The following PDE4D variants were observed in gnomAD, a reference collection of about 807,000 sequenced individuals.
PDE4D encodes 3',5'-cyclic-AMP phosphodiesterase 4D.
Under a neutral mutation model 87.4 loss-of-function variants are expected in PDE4D, and 24 were observed. That is an observed-to-expected ratio of 0.27 (90% CI 0.20 to 0.39). PDE4D has a LOEUF of 0.39. Among genes scored for constraint, PDE4D ranks in the 10% least tolerant of loss-of-function variants. PDE4D has a pLI of 1.00. For missense variants in PDE4D, 714 were observed against 1,041.0 expected (o/e 0.69, Z 4.32); for synonymous variants, 384 against 383.2 (o/e 1.00, Z -0.02).
chr5:60,376,076 C>A (rs2149995099), intron 1 of PDE4D, among the ~76,000 whole-genome samples: 1 of 152,282 alleles, frequency 6.6e-6, no homozygotes, highest in South Asian at 2.1e-4. Flanking sequence ...CAGATTTTTA[C>A]AGCTTACAAC....
At chr5:59,882,343 G>A (rs1048571756) in intron 1 of PDE4D, among the ~76,000 whole-genome samples, 3 of 152,082 alleles carry the variant, frequency 2.0e-5, no homozygotes, top group African/African-American at 7.2e-5. Context: ...CCAGGTGGTG[G>A]GAATGATTGA....
At chr5:59,253,546 G>A (rs977525656) in intron 1 of PDE4D, among the ~76,000 whole-genome samples, 2 of 152,156 alleles carry the variant, frequency 1.3e-5, no homozygotes, top group East Asian at 3.9e-4. Flanking sequence ...GATGATTGAA[G>A]AAAATGTATG....
intron 1 of PDE4D, among the ~76,000 whole-genome samples, chr5:59,881,981 G>A (rs2152746468): frequency 6.6e-6 from 1 of 152,226 alleles, no homozygotes; most frequent in Non-Finnish European, 1.5e-5. Context: ...ACATAAAGAA[G>A]CACATAATTC....
chr5:60,236,247 T>A (rs569585738), intron 1 of PDE4D, among the ~76,000 whole-genome samples: 2 of 152,036 alleles, frequency 1.3e-5, no homozygotes, highest in South Asian at 4.2e-4. Context: ...TGAATTGGAC[T>A]TCATCAAAAT....
intron 1 of PDE4D, among the ~76,000 whole-genome samples, chr5:60,504,920 G>T (rs1218718622): frequency 2.6e-5 from 4 of 152,078 alleles, no homozygotes; most frequent in Non-Finnish European, 4.4e-5. Context: ...CCCAACAAAA[G>T]CATAAAATGC....
intron 1 of PDE4D, among the ~76,000 whole-genome samples, chr5:59,726,337 G>A (rs146614537): frequency 6.6e-6 from 1 of 152,154 alleles, no homozygotes; most frequent in African/African-American, 2.4e-5. Context: ...ACTGAATTAT[G>A]TCCCCTTCAA....
At chr5:60,060,705 T>C (rs1771299823) in intron 2 of PDE4D, among the ~76,000 whole-genome samples, 1 of 152,062 alleles carries the variant, frequency 6.6e-6, no homozygotes, top group Admixed American at 6.6e-5. Flanking sequence ...TAAATGTTTT[T>C]TGTTTTTTCA....
At chr5:60,001,190 C>T (rs1763981167) in intron 2 of PDE4D, among the ~76,000 whole-genome samples, 1 of 152,112 alleles carries the variant, frequency 6.6e-6, no homozygotes, top group Non-Finnish European at 1.5e-5. Context: ...CCAGAGGGAA[C>T]CACGCCTATC....
At chr5:59,930,511 C>T (rs1210828456) in intron 3 of PDE4D, among the ~76,000 whole-genome samples, 1 of 152,166 alleles carries the variant, frequency 6.6e-6, no homozygotes, top group Non-Finnish European at 1.5e-5. Flanking sequence ...GTCTCCAGAA[C>T]CAACAAGTCC....
intron 1 of PDE4D, among the ~76,000 whole-genome samples, chr5:59,344,007 A>G (rs554083186): frequency 6.6e-6 from 1 of 152,296 alleles, no homozygotes. Context: ...ATGAAAATTT[A>G]TATTAAAAGC....
intron 1 of PDE4D, among the ~76,000 whole-genome samples, chr5:60,394,538 T>C (rs532775864): frequency 1.3e-5 from 2 of 152,360 alleles, no homozygotes; most frequent in South Asian, 2.1e-4. Flanking sequence ...AATCCATTTG[T>C]ATTTTCCACT....
At chr5:60,251,057 TAAG>T (rs1672249270) in intron 1 of PDE4D, among the ~76,000 whole-genome samples, 3 of 152,100 alleles carry the variant, frequency 2.0e-5, no homozygotes, top group South Asian at 4.1e-4. Context: ...CATTTTTTAA[TAAG>T]AAGCTTATAT....
intron 1 of PDE4D, among the ~76,000 whole-genome samples, chr5:60,324,365 A>C (rs1756585462): frequency 1.3e-5 from 2 of 152,214 alleles, no homozygotes; most frequent in African/African-American, 4.8e-5. Context: ...AATCATGTTC[A>C]GTAGTTTTTT....
intron 5 of PDE4D, among the ~76,000 whole-genome samples, chr5:59,057,437 G>A (rs1485055580): frequency 1.3e-5 from 2 of 152,162 alleles, no homozygotes; most frequent in Admixed American, 6.5e-5. Flanking sequence ...TATTTAAATA[G>A]GACTATGTAT....
chr5:59,664,825 A>G (rs1192364409), intron 1 of PDE4D, among the ~76,000 whole-genome samples: 1 of 152,186 alleles, frequency 6.6e-6, no homozygotes, highest in African/African-American at 2.4e-5. Context: ...ATGGCAGAGA[A>G]AATTCTGTAT....
chr5:59,354,365 G>A (rs1781013416), intron 1 of PDE4D, among the ~76,000 whole-genome samples: 1 of 152,122 alleles, frequency 6.6e-6, no homozygotes, highest in East Asian at 1.9e-4. Context: ...ACAAGGCTGT[G>A]ACATTATGAG....
chr5:59,766,976 T>C (rs1762872885), intron 1 of PDE4D, among the ~76,000 whole-genome samples: 1 of 152,200 alleles, frequency 6.6e-6, no homozygotes, highest in African/African-American at 2.4e-5. Flanking sequence ...ATCTAGCTAC[T>C]TAAAACCAAA....
chr5:60,389,137 G>A (rs1355515922), intron 1 of PDE4D, among the ~76,000 whole-genome samples: 1 of 152,044 alleles, frequency 6.6e-6, no homozygotes, highest in East Asian at 1.9e-4. Context: ...TGAAAGGATT[G>A]GAATAAAATA....
intron 3 of PDE4D, among the ~76,000 whole-genome samples, chr5:59,907,506 T>C (rs1424622665): frequency 1.3e-5 from 2 of 151,902 alleles, no homozygotes; most frequent in Admixed American, 6.6e-5. Context: ...ACCTGGGTGA[T>C]GAAATAAAAT....
Sources: allele counts gnomAD v4.1 joint callset (sites outside exome capture counted in the v4.1 genomes callset), GRCh38; gene constraint gnomAD v4.1.1; transcripts MANE v1.5; gene names NCBI Gene and HGNC (gene_info 2026-07-23, HGNC 2026-07-21).